PTPRD: variants seen among roughly 807,000 people sequenced by gnomAD.
PTPRD encodes protein tyrosine phosphatase receptor type D.
A neutral mutation model predicts 214.5 loss-of-function variants in PTPRD; 34 were observed. The observed-to-expected ratio is 0.16, with a 90% CI of 0.12 to 0.21. The LOEUF (loss-of-function observed/expected upper bound fraction) is 0.21. Ranked by LOEUF, PTPRD falls within the 10% of genes least tolerant of loss-of-function variation. PTPRD has a pLI of 1.00. For synonymous variants in PTPRD, 1,128 were observed against 845.7 expected, an observed-to-expected ratio of 1.33 and a Z score of -5.79; for missense variants, 2,545 against 2,398.7, an observed-to-expected ratio of 1.06 and a Z score of -1.27.
At chr9:9,121,515 T>C (rs1452562134) in intron 10 of PTPRD, among the ~76,000 whole-genome samples, 1 of 152,120 alleles carries the variant, frequency 6.6e-6, no homozygotes, top group African/African-American at 2.4e-5. Flanking sequence ...ATTAACAGCA[T>C]TTGCAATGAC....
chr9:10,009,469 A>T (rs764060398), intron 4 of PTPRD, among the ~76,000 whole-genome samples: 2 of 151,958 alleles, frequency 1.3e-5, no homozygotes, highest in Non-Finnish European at 2.9e-5. Context: ...TTCATTAGCA[A>T]TTGGTTGAAA....
chr9:9,574,034 T>C (rs1348377657), intron 8 of PTPRD, among the ~76,000 whole-genome samples: 1 of 151,862 alleles, frequency 6.6e-6, no homozygotes, highest in Non-Finnish European at 1.5e-5. Flanking sequence ...ATAAAGTAAA[T>C]CTTTATTATG....
intron 7 of PTPRD, among the ~76,000 whole-genome samples, chr9:9,591,769 C>A (rs1344915625): frequency 2.6e-5 from 4 of 152,008 alleles, no homozygotes; most frequent in Admixed American, 6.6e-5. Context: ...AAATCAGGGT[C>A]ATTAGCATAT....
chr9:8,939,796 A>T (rs1208051105), intron 11 of PTPRD, among the ~76,000 whole-genome samples: 1 of 152,204 alleles, frequency 6.6e-6, no homozygotes, highest in Admixed American at 6.5e-5. Context: ...TGTAATAAAT[A>T]CTGATGATAA....
intron 37 of PTPRD, among the ~76,000 whole-genome samples, chr9:8,387,594 C>A (rs1227819107): frequency 2.0e-5 from 3 of 152,156 alleles, no homozygotes; most frequent in African/African-American, 4.8e-5. Context: ...GTTCAGCTGT[C>A]TCAGTTTCAC....
intron 12 of PTPRD, among the ~76,000 whole-genome samples, chr9:8,723,112 G>T (rs186357976): frequency 3.9e-5 from 6 of 152,136 alleles, no homozygotes; most frequent in Admixed American, 3.9e-4. Flanking sequence ...CCAGCAATCC[G>T]AACCCTTTAT....
At chr9:9,173,720 T>A (rs143307853) in intron 10 of PTPRD, among the ~76,000 whole-genome samples, 59 of 152,280 alleles carry the variant, frequency 3.9e-4, no homozygotes, top group Non-Finnish European at 6.8e-4. Flanking sequence ...CACTGCTGTA[T>A]ATGCAGTCCA....
chr9:9,198,862 T>C (rs958000423), intron 9 of PTPRD, among the ~76,000 whole-genome samples: 6 of 152,174 alleles, frequency 3.9e-5, no homozygotes, highest in Admixed American at 1.3e-4. Flanking sequence ...AACTTCTTAA[T>C]TGGCTCCTAC....
intron 10 of PTPRD, among the ~76,000 whole-genome samples, chr9:9,156,045 A>G (rs1426822816): frequency 4.6e-5 from 7 of 152,256 alleles, no homozygotes; most frequent in East Asian, 1.9e-4. Context: ...TTATGCTTTC[A>G]GCCTTAGACC....
chr9:9,192,843 G>A (rs1260759098), intron 9 of PTPRD, among the ~76,000 whole-genome samples: 3 of 152,214 alleles, frequency 2.0e-5, no homozygotes, highest in South Asian at 2.1e-4. Context: ...AGACTGCAGA[G>A]AAGTCACGAG....
intron 33 of PTPRD, among the ~76,000 whole-genome samples, chr9:8,455,891 C>T (rs1339096016): frequency 6.6e-6 from 1 of 152,124 alleles, no homozygotes; most frequent in East Asian, 1.9e-4. Context: ...TTTGAGTATT[C>T]ATATGCACAA....
In PTPRD at chr9:9,646,260, T is replaced by C. The variant is rs545565732; in HGVS notation, c.-286-71479A>G. On this transcript the variant is annotated intron_variant, in intron 7 of 45. Transcript: ENST00000381196. The stretch of plus-strand genomic sequence containing the variant: ...GCTCTTGATGGAAAGTTTTCTTGGA[T>C]GTTGTTAGTCTATAGAATTGTAGGG... 3.3e-5 allele frequency among the ~76,000 whole-genome samples: 5 copies of C among 151,946 alleles called. No homozygotes were observed. In the South Asian group the frequency reaches 1.0e-3, roughly 32 times the overall value.
At chr9:9,677,520 A>C (rs974422790) in intron 7 of PTPRD, among the ~76,000 whole-genome samples, 8 of 152,042 alleles carry the variant, frequency 5.3e-5, no homozygotes, top group Non-Finnish European at 5.9e-5. Flanking sequence ...ATTCAACAAC[A>C]CTTCATGCTA....
chr9:10,256,446 G>A (rs1324346369), intron 3 of PTPRD, among the ~76,000 whole-genome samples: 1 of 150,152 alleles, frequency 6.7e-6, no homozygotes, highest in Non-Finnish European at 1.5e-5. Context: ...TAAAAATACA[G>A]TATACTATAT....
chr9:9,103,128 A>T (rs1054983673), intron 10 of PTPRD, among the ~76,000 whole-genome samples: 2 of 152,186 alleles, frequency 1.3e-5, no homozygotes, highest in African/African-American at 4.8e-5. Flanking sequence ...TTGTCTTAAC[A>T]GTGCTGGTAT....
chr9:10,438,357 T>A (rs2098736403), intron 2 of PTPRD, among the ~76,000 whole-genome samples: 1 of 151,694 alleles, frequency 6.6e-6, no homozygotes, highest in African/African-American at 2.4e-5. Flanking sequence ...AAATGCATTA[T>A]CAGTTTATGA....
intron 44 of PTPRD, among the ~76,000 whole-genome samples, chr9:8,320,875 G>C (rs1826696947): frequency 6.6e-6 from 1 of 152,092 alleles, no homozygotes; most frequent in Non-Finnish European, 1.5e-5. Flanking sequence ...GAGGGAAACA[G>C]TGAATAATCT....
chr9:10,552,277 G>A (rs1480306118), intron 2 of PTPRD, among the ~76,000 whole-genome samples: 1 of 152,062 alleles, frequency 6.6e-6, no homozygotes, highest in African/African-American at 2.4e-5. Flanking sequence ...AAGAATTTAA[G>A]GTATCATCAT....
At chr9:10,439,527 A>C (rs2098745294) in intron 2 of PTPRD, among the ~76,000 whole-genome samples, 1 of 151,840 alleles carries the variant, frequency 6.6e-6, no homozygotes, top group Admixed American at 6.6e-5. Context: ...TTAAGGGTGA[A>C]GAACAGAATG....
Sources: gnomAD v4.1 joint callset for allele counts (sites outside exome capture counted in the v4.1 genomes callset) on GRCh38, gnomAD v4.1.1 for gene constraint, MANE v1.5 for transcripts, NCBI Gene and HGNC (gene_info 2026-07-23, HGNC 2026-07-21) for gene names.